STX8: variants seen among roughly 807,000 people sequenced by gnomAD.
STX8 encodes the protein syntaxin-8.
A neutral mutation model predicts 37.5 loss-of-function variants in STX8; 23 were observed. The observed-to-expected ratio is 0.61, with a 90% confidence interval of 0.44 to 0.87. The LOEUF is 0.87. STX8 is among the 40% of genes least tolerant of loss of function. STX8 has a pLI of 0.00. For synonymous variants in STX8, 115 were observed against 99.1 expected, an observed-to-expected ratio of 1.16 and a Z score of -0.95; for missense variants, 313 against 284.7, an observed-to-expected ratio of 1.10 and a Z score of -0.71.
intron 6 of STX8, chr17:9,467,536 C>G (rs1905666958): frequency 6.6e-6 from 1 of 152,158 alleles, no homozygotes; most frequent in South Asian, 2.1e-4. Context: ...GGGAAGCATG[C>G]TTGGTTAATT....
intron 5 of STX8, among the ~76,000 whole-genome samples, chr17:9,503,121 A>AAG (rs1420940795): frequency 2.0e-4 from 30 of 151,054 alleles, no homozygotes; most frequent in Non-Finnish European, 3.4e-4. Flanking sequence ...AAAAAAAAAA[A>AAG]AAAAAAGAGT....
At chr17:9,343,998 G>A (rs1910453547) in intron 7 of STX8, among the ~76,000 whole-genome samples, 1 of 152,056 alleles carries the variant, frequency 6.6e-6, no homozygotes, top group African/African-American at 2.4e-5. Flanking sequence ...GGAGGCCCAA[G>A]TACCAGGAAT....
intron 7 of STX8, among the ~76,000 whole-genome samples, chr17:9,364,320 C>T (rs1356203442): frequency 6.6e-6 from 1 of 152,124 alleles, no homozygotes; most frequent in Non-Finnish European, 1.5e-5. Flanking sequence ...TTATACTATA[C>T]CATTTCACTA....
intron 7 of STX8, among the ~76,000 whole-genome samples, chr17:9,269,893 C>T (rs965893500): frequency 2.0e-5 from 3 of 152,232 alleles, no homozygotes; most frequent in African/African-American, 4.8e-5. Flanking sequence ...ACACCCGCTC[C>T]TCAGGGACAC....
At chr17:9,418,418 T>C (rs1465115385) in intron 6 of STX8, among the ~76,000 whole-genome samples, 1 of 150,780 alleles carries the variant, frequency 6.6e-6, no homozygotes, top group Non-Finnish European at 1.5e-5. Context: ...TCTAACAACA[T>C]GCCAGCAGAG....
intron 6 of STX8, among the ~76,000 whole-genome samples, chr17:9,441,672 C>CTTTT (rs1161609414): frequency 4.1e-4 from 38 of 93,276 alleles, no homozygotes; most frequent in East Asian, 1.5e-3. Flanking sequence ...AGCACCATGG[C>CTTTT]TTTTTTTTTT....
At chr17:9,296,531 A>G (rs894307500) in intron 7 of STX8, among the ~76,000 whole-genome samples, 1 of 151,478 alleles carries the variant, frequency 6.6e-6, no homozygotes, top group Non-Finnish European at 1.5e-5. Flanking sequence ...ATTAGTGTAA[A>G]TGTAAATGTT....
At chr17:9,371,869 C>A (rs1025601267) in intron 7 of STX8, among the ~76,000 whole-genome samples, 11 of 152,082 alleles carry the variant, frequency 7.2e-5, no homozygotes, top group African/African-American at 2.7e-4. Flanking sequence ...TTATAATCAA[C>A]GTCTGATAAT....
intron 7 of STX8, among the ~76,000 whole-genome samples, chr17:9,341,404 G>A (rs1465172116): frequency 6.6e-6 from 1 of 152,108 alleles, no homozygotes; most frequent in African/African-American, 2.4e-5. Context: ...TGGCATAGAG[G>A]GAAAGTAGAG....
At chr17:9,458,251 G>C (rs543511882) in intron 6 of STX8, among the ~76,000 whole-genome samples, 1 of 151,922 alleles carries the variant, frequency 6.6e-6, no homozygotes, top group African/African-American at 2.4e-5. Flanking sequence ...CTGGGCTCAC[G>C]CCATTCTCCT....
intron 6 of STX8, among the ~76,000 whole-genome samples, chr17:9,392,360 C>A (rs1225564355): frequency 2.0e-5 from 3 of 152,160 alleles, no homozygotes; most frequent in African/African-American, 7.2e-5. Context: ...CTGGGCCAGG[C>A]ATTTTTGGGA....
intron 4 of STX8, among the ~76,000 whole-genome samples, chr17:9,542,302 G>A (rs922087922): frequency 1.3e-5 from 2 of 151,960 alleles, no homozygotes; most frequent in Non-Finnish European, 2.9e-5. Flanking sequence ...AGGTTGCAGC[G>A]AGCTGAAATT....
chr17:9,373,319 A>G (rs1258751740), intron 7 of STX8, among the ~76,000 whole-genome samples: 1 of 152,130 alleles, frequency 6.6e-6, no homozygotes, highest in African/African-American at 2.4e-5. Flanking sequence ...GTACAGCAAC[A>G]TTTATGGTGG....
At chr17:9,481,948 A>G (rs1052759219) in intron 6 of STX8, among the ~76,000 whole-genome samples, 2 of 152,166 alleles carry the variant, frequency 1.3e-5, no homozygotes, top group African/African-American at 4.8e-5. Flanking sequence ...GTCTTCCACA[A>G]AACTGGTCCC....
chr17:9,407,951 T>G (rs921947639), intron 6 of STX8, among the ~76,000 whole-genome samples: 14 of 152,138 alleles, frequency 9.2e-5, no homozygotes, highest in African/African-American at 3.1e-4. Flanking sequence ...AATGGAGATT[T>G]TTACAGATGC....
At chr17:9,466,789 A>T (rs1046173078) in intron 6 of STX8, among the ~76,000 whole-genome samples, 1 of 152,174 alleles carries the variant, frequency 6.6e-6, no homozygotes, top group Admixed American at 6.5e-5. Context: ...AATTCAACCA[A>T]CCTTCACCAA....
chr17:9,525,685 C>T (rs1379238425), intron 4 of STX8, among the ~76,000 whole-genome samples: 3 of 152,134 alleles, frequency 2.0e-5, no homozygotes, highest in Non-Finnish European at 4.4e-5. Flanking sequence ...TCATTTATGG[C>T]TCATATCACA....
chr17:9,540,935 G>A (rs1158945438), intron 4 of STX8, among the ~76,000 whole-genome samples: 1 of 152,058 alleles, frequency 6.6e-6, no homozygotes, highest in Non-Finnish European at 1.5e-5. Context: ...CTGTCCCCAT[G>A]CCACTCAGCC....
At chr17:9,504,165 A>G (rs1904731531) in intron 5 of STX8, among the ~76,000 whole-genome samples, 1 of 152,190 alleles carries the variant, frequency 6.6e-6, no homozygotes, top group South Asian at 2.1e-4. Flanking sequence ...ATTTATATTG[A>G]ATATATGTAT....
Sources: gnomAD v4.1 joint callset for allele counts (sites outside exome capture counted in the v4.1 genomes callset) on GRCh38, gnomAD v4.1.1 for gene constraint, MANE v1.5 for transcripts, NCBI Gene and HGNC (gene_info 2026-07-23, HGNC 2026-07-21) for gene names.